Variants in SIPA1L3 observed in about 807,000 individuals in gnomAD.
The protein encoded by SIPA1L3 is signal-induced proliferation-associated 1-like protein 3.
In SIPA1L3, 59 loss-of-function variants were observed where a neutral mutation model predicts 150.1. The observed-to-expected ratio is 0.39, with a 90% CI of 0.32 to 0.49. The LOEUF (loss-of-function observed/expected upper bound fraction) is 0.49. SIPA1L3 is among the 20% of genes least tolerant of loss of function. SIPA1L3 has a pLI of 0.86. For synonymous variants in SIPA1L3, 1,070 were observed against 1,077.6 expected, an observed-to-expected ratio of 0.99 and a Z score of 0.14; for missense variants, 2,211 against 2,489.5, an observed-to-expected ratio of 0.89 and a Z score of 2.38.
chr19:37,911,902 C>G (rs192817740), intron 1 of SIPA1L3, among the ~76,000 whole-genome samples: 36 of 151,674 alleles, frequency 2.4e-4, no homozygotes, highest in African/African-American at 8.7e-4. Context: ...AACCCCGTCT[C>G]TACTAAAAAA....
At chr19:38,173,098 C>T (rs1972362591) in intron 15 of SIPA1L3, among the ~76,000 whole-genome samples, 3 of 152,116 alleles carry the variant, frequency 2.0e-5, no homozygotes, top group Non-Finnish European at 4.4e-5. Context: ...AAGACCTTAT[C>T]TCAAAAAATG....
chr19:38,141,993 A>G (rs1229250449), intron 11 of SIPA1L3, among the ~76,000 whole-genome samples: 1 of 151,990 alleles, frequency 6.6e-6, no homozygotes, highest in Non-Finnish European at 1.5e-5. Flanking sequence ...AAATAAAATA[A>G]AACTGTTATT....
chr19:38,128,617 C>T (rs1304812064), intron 9 of SIPA1L3, among the ~76,000 whole-genome samples: 1 of 144,588 alleles, frequency 6.9e-6, no homozygotes, highest in Non-Finnish European at 1.5e-5. Context: ...CTTTCCTTGG[C>T]CGGGCGCAGT....
At chr19:37,908,131 A>G (rs1444274292) in intron 1 of SIPA1L3, among the ~76,000 whole-genome samples, 11 of 152,160 alleles carry the variant, frequency 7.2e-5, no homozygotes, top group Non-Finnish European at 1.2e-4. Context: ...AAATGGTACC[A>G]TTTATTCAGC....
At chr19:38,052,343 G>A (rs570350475) in intron 2 of SIPA1L3, among the ~76,000 whole-genome samples, 2 of 152,358 alleles carry the variant, frequency 1.3e-5, no homozygotes, top group Non-Finnish European at 2.9e-5. Flanking sequence ...AGGGGCAGAG[G>A]CCAGTCCCTA....
In SIPA1L3 at chr19:37,910,815, C is replaced by T. The variant is rs574894710; in HGVS notation, c.-379+3457C>T. Among the ~76,000 whole-genome samples, 39 of 152,216 alleles carry T rather than the reference C, an allele frequency of 2.6e-4. No homozygotes were observed. In the South Asian group the frequency reaches 6.0e-3, roughly 23 times the overall value. On this transcript the variant is annotated intron_variant, in intron 1 of 21. Transcript: ENST00000222345. ...AGATGGGGTTTCGCCATGTTGGCCT[C>T]GAACTCTTGACCTCAGGTGATCCAC...
chr19:38,103,901 C>CAAAA (rs66888884), intron 6 of SIPA1L3, among the ~76,000 whole-genome samples: 7 of 96,288 alleles, frequency 7.3e-5, no homozygotes, highest in African/African-American at 1.2e-4. Flanking sequence ...GACTCCATAT[C>CAAAA]AAAAAAAAAA....
chr19:37,920,784 G>A (rs2046451468), intron 1 of SIPA1L3, among the ~76,000 whole-genome samples: 1 of 152,176 alleles, frequency 6.6e-6, no homozygotes, highest in Non-Finnish European at 1.5e-5. Flanking sequence ...ATAAAGCCGT[G>A]TCTGGCAGCA....
intron 2 of SIPA1L3, among the ~76,000 whole-genome samples, chr19:38,067,218 G>A (rs529241907): frequency 1.3e-5 from 2 of 152,120 alleles, no homozygotes; most frequent in African/African-American, 4.8e-5. Context: ...CAGACCAGGC[G>A]ACAGAGTAAT....
chr19:38,202,387 A>C (rs911245047), intron 20 of SIPA1L3, among the ~76,000 whole-genome samples: 1 of 152,118 alleles, frequency 6.6e-6, no homozygotes, highest in Non-Finnish European at 1.5e-5. Flanking sequence ...CAGGAGTTCA[A>C]GACCAGCCTG....
At chr19:37,920,101 C>T (rs2046446011) in intron 1 of SIPA1L3, among the ~76,000 whole-genome samples, 1 of 150,990 alleles carries the variant, frequency 6.6e-6, no homozygotes, top group South Asian at 2.1e-4. Flanking sequence ...ACTCTATCAC[C>T]CAGGCTGGAG....
Position 37,944,654 on chromosome 19 carries a change from C to A in SIPA1L3, c.-379+37296C>A, listed in dbSNP as rs141517267. On this transcript the variant is annotated intron_variant, in intron 1 of 21. Transcript: ENST00000222345. ...GTTATGTTCTGATGCACCTGTTATACGCTGAAATTACCCTTAAGTCAAAAG... is the reference window on the plus strand; with the variant it reads ...GTTATGTTCTGATGCACCTGTTATAAGCTGAAATTACCCTTAAGTCAAAAG... Among the ~76,000 whole-genome samples the A allele has an allele frequency of 6.6e-5, 10 of 152,236 alleles. No homozygotes were observed. The East Asian group carries it at 1.9e-3, about 29-fold the overall frequency.
rs148704615 is a variant in SIPA1L3 at position 38,101,109 on chromosome 19, G to A, written c.1912G>A (p.Glu638Lys). The change falls in exon 6 of 22, where the codon GAG becomes AAG. Residue 638 changes from glutamate (E) to lysine (K), a missense_variant. Transcript: ENST00000222345. ...LYCKAGQSSE[E>K]EMYNNEEAGP... is the part of the protein sequence containing the mutation. The stretch of plus-strand genomic sequence containing the variant: ...TTGCAAGGCCGGCCAGAGCTCCGAG[G>A]AGGAGATGTACAACAATGAGGAGGC... 5.5e-5 allele frequency: 88 copies of A among 1,608,754 alleles called. No individual in the cohort carries two copies. Among genetic ancestry groups the A allele is most frequent in the Admixed American group, 3.9e-4 (23 of 59,396 alleles).
At chr19:38,010,146 A>C (rs1968061841) in intron 1 of SIPA1L3, among the ~76,000 whole-genome samples, 1 of 152,152 alleles carries the variant, frequency 6.6e-6, no homozygotes, top group Non-Finnish European at 1.5e-5. Flanking sequence ...CAGGCCTGTG[A>C]TCTCAGCACT....
chr19:38,110,374 G>A lies in SIPA1L3; in HGVS notation c.2281G>A (p.Val761Ile), dbSNP rs767829664. 25 of 1,613,456 alleles carry A rather than the reference G, an allele frequency of 1.5e-5. No individual in the cohort carries two copies. The highest frequency in any genetic ancestry group is 1.9e-5 in the Non-Finnish European group (23 of 1,179,744). The change falls in exon 8 of 22, where the codon GTC becomes ATC. Residue 761 changes from valine (V) to isoleucine (I), a missense_variant. Val to Ile is a conservative substitution (Grantham distance 29, BLOSUM62 3). Coordinates refer to ENST00000222345, the MANE Select transcript of SIPA1L3 (RefSeq NM_015073.3). ...VRVHNPCTDN[V>I]CYSMAVTRSK... ...AGTCCACAACCCCTGCACTGATAAC[G>A]TCTGTTACAGGTATGCCCCCCACAC... is the stretch of plus-strand genomic sequence containing the variant.
chr19:38,016,886 C>CTTTTTT (rs58459050), intron 1 of SIPA1L3, among the ~76,000 whole-genome samples: 9 of 69,138 alleles, frequency 1.3e-4, no homozygotes, highest in Admixed American at 2.2e-4. Flanking sequence ...CCTCCTCTGG[C>CTTTTTT]TTTTTTTTTT....
At chr19:38,197,346 C>T (rs950549697) in intron 18 of SIPA1L3, among the ~76,000 whole-genome samples, 4 of 152,118 alleles carry the variant, frequency 2.6e-5, no homozygotes, top group South Asian at 4.1e-4. Flanking sequence ...GGCCAGAGCC[C>T]GAGCCTGGTG....
In SIPA1L3 at chr19:38,130,545, C is replaced by T. The variant is rs770475571; in HGVS notation, c.2916C>T (p.Asn972=). The change falls in exon 10 of 22, where the codon AAC becomes AAT. Residue 972 remains asparagine, a synonymous_variant. Transcript: ENST00000222345. The part of the protein sequence containing the change: ...WETVDMTLRR[N]GLGQLGFHVK... ...CGGTGGACATGACGCTTCGGCGGAA[C>T]GGGCTCGGGCAGCTGGGCTTCCACG... The T allele has an allele frequency of 2.7e-5, 43 of 1,613,542 alleles. No homozygotes were observed. The Admixed American group carries it at 3.0e-4, about 11-fold the overall frequency.
chr19:38,116,538 A>AAAG (rs1555788500), intron 8 of SIPA1L3, among the ~76,000 whole-genome samples: 1 of 142,078 alleles, frequency 7.0e-6, no homozygotes, highest in African/African-American at 2.7e-5. Context: ...AAAAAAAAAA[A>AAAG]AAAGAAAGAA....
Sources: gnomAD v4.1 joint callset for allele counts (sites outside exome capture counted in the v4.1 genomes callset) on GRCh38, gnomAD v4.1.1 for gene constraint, MANE v1.5 for transcripts, NCBI Gene and HGNC (gene_info 2026-07-23, HGNC 2026-07-21) for gene names.